TMEM51: variants seen among roughly 807,000 people sequenced by gnomAD.
The protein encoded by TMEM51 is chromosome 1 open reading frame 72.
TMEM51 carries 8 observed loss-of-function variants against 13.6 expected under a neutral mutation model. The observed-to-expected ratio is 0.59, with a 90% CI of 0.35 to 1.07. The LOEUF (loss-of-function observed/expected upper bound fraction) is 1.07. Among genes scored for constraint, TMEM51 ranks in the 50% least tolerant of loss-of-function variants. TMEM51 has a pLI of 0.02. For missense variants in TMEM51, 279 were observed against 330.7 expected (o/e 0.84, Z 1.21); for synonymous variants, 147 against 144.4 (o/e 1.02, Z -0.13).
intron 1 of TMEM51, among the ~76,000 whole-genome samples, chr1:15,196,871 A>G (rs1644060844): frequency 6.6e-6 from 1 of 152,220 alleles, no homozygotes; most frequent in Non-Finnish European, 1.5e-5. Flanking sequence ...ATAAGTGTTG[A>G]CTAGAATTCA....
At chr1:15,170,725 T>TGGA (rs1157194239) in intron 1 of TMEM51, among the ~76,000 whole-genome samples, 1 of 152,072 alleles carries the variant, frequency 6.6e-6, no homozygotes, top group African/African-American at 2.4e-5. Flanking sequence ...CAAACAGAAA[T>TGGA]GGAGGCAGGT....
intron 1 of TMEM51, among the ~76,000 whole-genome samples, chr1:15,184,883 G>C (rs1302763559): frequency 2.0e-5 from 3 of 151,832 alleles, no homozygotes; most frequent in Non-Finnish European, 4.4e-5. Context: ...GATGCTATTG[G>C]TATCTAGTAG....
intron 1 of TMEM51, among the ~76,000 whole-genome samples, chr1:15,178,342 G>T (rs770517280): frequency 3.9e-5 from 6 of 152,218 alleles, no homozygotes; most frequent in African/African-American, 1.2e-4. Flanking sequence ...GAGCTCAGCC[G>T]ATTCCTCAGA....
rs111585637 is a variant in TMEM51 at position 15,175,088 on chromosome 1, T to C, written c.-267+21134T>C. On this transcript the variant is annotated intron_variant, in intron 1 of 3. Coordinates refer to ENST00000376008, the MANE Select transcript of TMEM51 (RefSeq NM_001136218.2). ...AACTCATCACAAGTTCTTCTCCATT[T>C]GTCAACTTTGACTCTAAACTAGGGC... Among the ~76,000 whole-genome samples, 494 of 152,258 alleles carry C rather than the reference T, an allele frequency of 3.2e-3. 3 individuals are homozygous for C. Among genetic ancestry groups the C allele is most frequent in the African/African-American group, 0.011 (470 of 41,554 alleles).
At chr1:15,168,265 T>C (rs530016331) in intron 1 of TMEM51, among the ~76,000 whole-genome samples, 2 of 152,202 alleles carry the variant, frequency 1.3e-5, no homozygotes, top group Admixed American at 6.5e-5. Context: ...TGTCAAGCAT[T>C]CTCTGTCAAG....
chr1:15,211,717 C>A (rs1408357387), intron 2 of TMEM51, among the ~76,000 whole-genome samples: 1 of 150,060 alleles, frequency 6.7e-6, no homozygotes, highest in Non-Finnish European at 1.5e-5. Flanking sequence ...TGCAGCAATA[C>A]AATCAGATTG....
intron 3 of TMEM51, 103 bp from the exon 4 acceptor site, chr1:15,219,223 T>C: frequency 7.9e-7 from 1 of 1,266,264 alleles, no homozygotes; most frequent in South Asian, 1.6e-5. Context: ...CATTTGTTAT[T>C]TACAAGGCTG....
At chr1:15,192,834 G>T in intron 1 of TMEM51, 1 of 172,256 alleles carries the variant, frequency 5.8e-6, no homozygotes, top group South Asian at 1.5e-4. Flanking sequence ...GAATTCAACG[G>T]ATTTCTGCCA....
chr1:15,193,892 C>G (rs1643991634), intron 1 of TMEM51, among the ~76,000 whole-genome samples: 1 of 152,172 alleles, frequency 6.6e-6, no homozygotes. Flanking sequence ...AGGTGAAGGG[C>G]ATTGCCAGGG....
intron 1 of TMEM51, among the ~76,000 whole-genome samples, chr1:15,159,580 CAG>C (rs1642703674): frequency 6.6e-6 from 1 of 152,152 alleles, no homozygotes. Flanking sequence ...TTTTTTGAGA[CAG>C]AGTCTCGCTC....
At chr1:15,203,415 C>T (rs1396193610) in intron 1 of TMEM51, among the ~76,000 whole-genome samples, 4 of 148,930 alleles carry the variant, frequency 2.7e-5, no homozygotes, top group South Asian at 2.1e-4. Flanking sequence ...CCACCCCTCC[C>T]GGCTAATTTT....
rs368456258 is a variant in TMEM51, at chr1:15,219,511, C to T, written c.530C>T (p.Ala177Val). 3.7e-6 allele frequency: 6 copies of T among 1,614,122 alleles called. No individual in the cohort carries two copies. Among genetic ancestry groups the T allele is most frequent in the Non-Finnish European group, 5.1e-6 (6 of 1,180,036 alleles). ...LDETTPTSTR[A>V]DVEASPGNPP... ...GAGACCACCCCCACATCCACCAGGG[C>T]TGACGTGGAGGCCAGCCCTGGGAAC... Residue 177 changes from alanine (A) to valine (V), a missense_variant, in exon 4 of 4, where the codon GCT (alanine) becomes GTT (valine). Coordinates refer to ENST00000376008, the MANE Select transcript of TMEM51 (RefSeq NM_001136218.2).
chr1:15,203,172 G>C (rs1644187893), intron 1 of TMEM51, among the ~76,000 whole-genome samples: 1 of 143,158 alleles, frequency 7.0e-6, no homozygotes, highest in African/African-American at 3.0e-5. Context: ...TCTTCCCCAG[G>C]TATTCATGTG....
chr1:15,183,546 A>C (rs781012177), intron 1 of TMEM51, among the ~76,000 whole-genome samples: 2 of 152,224 alleles, frequency 1.3e-5, no homozygotes, highest in Non-Finnish European at 2.9e-5. Flanking sequence ...AGATTGCATG[A>C]AGATAATTCT....
At position 15,215,347 on chromosome 1, in the gene TMEM51, A is replaced by G. The variant is rs768248312; in HGVS notation, c.260A>G (p.Asp87Gly). The change falls in exon 3 of 4, where the codon GAT becomes GGT. Residue 87 changes from aspartate (D) to glycine (G), a missense_variant. Transcript: ENST00000376008. Reference sequence around the variant, plus strand: ...CTTTCTATCTGCCTGAGTATCAGGGATAAGAGGAAGCAGCGGCAGGGCGAG... The same window carrying G: ...CTTTCTATCTGCCTGAGTATCAGGGGTAAGAGGAAGCAGCGGCAGGGCGAG... ...LLLSICLSIR[D>G]KRKQRQGEDL... 2 of 1,613,804 alleles carry G rather than the reference A, an allele frequency of 1.2e-6. No homozygotes were observed. Among genetic ancestry groups the G allele is most frequent in the African/African-American group, 1.3e-5 (1 of 75,056 alleles).
chr1:15,169,508 G>C (rs1643159952), intron 1 of TMEM51, among the ~76,000 whole-genome samples: 1 of 152,148 alleles, frequency 6.6e-6, no homozygotes, highest in Non-Finnish European at 1.5e-5. Context: ...CCTGGTGCTT[G>C]GGTCTTTTCA....
intron 1 of TMEM51, among the ~76,000 whole-genome samples, chr1:15,203,895 C>T (rs1212318619): frequency 6.6e-6 from 1 of 152,210 alleles, no homozygotes; most frequent in African/African-American, 2.4e-5. Flanking sequence ...TACTAAGTTA[C>T]AGAGCTGAGA....
intron 3 of TMEM51, among the ~76,000 whole-genome samples, chr1:15,217,215 A>G (rs769323116): frequency 3.3e-5 from 5 of 152,204 alleles, no homozygotes; most frequent in Non-Finnish European, 5.9e-5. Flanking sequence ...ATCTCATTAT[A>G]TTGAAGGGAT....
intron 1 of TMEM51, among the ~76,000 whole-genome samples, chr1:15,184,678 T>A (rs1209961087): frequency 6.6e-6 from 1 of 152,164 alleles, no homozygotes; most frequent in Non-Finnish European, 1.5e-5. Flanking sequence ...ATTTGAAACC[T>A]TTGGACAGGT....
Sources: gnomAD v4.1 joint callset for allele counts (sites outside exome capture counted in the v4.1 genomes callset) on GRCh38, gnomAD v4.1.1 for gene constraint, MANE v1.5 for transcripts, NCBI Gene and HGNC (gene_info 2026-07-23, HGNC 2026-07-21) for gene names.